The following LDLRAD4 variants were observed in gnomAD, a reference collection of about 807,000 sequenced individuals.
LDLRAD4 encodes the protein low density lipoprotein receptor class A domain containing 4, also known as low-density lipoprotein receptor class A domain-containing protein 4.
Under a neutral mutation model 17.0 loss-of-function variants are expected in LDLRAD4, and 5 were observed. The observed-to-expected ratio is 0.29, with a 90% CI of 0.15 to 0.62. LDLRAD4 has a LOEUF of 0.62. LDLRAD4 is among the 20% of genes least tolerant of loss of function. LDLRAD4 has a pLI of 0.84. For missense variants in LDLRAD4, 340 were observed against 424.7 expected (o/e 0.80, Z 1.75); for synonymous variants, 168 against 171.8 (o/e 0.98, Z 0.17).
At chr18:13,573,105 A>AT (rs1376412180) in intron 3 of LDLRAD4, among the ~76,000 whole-genome samples, 8 of 151,576 alleles carry the variant, frequency 5.3e-5, no homozygotes, top group Non-Finnish European at 1.0e-4. Context: ...TTTTATTTTT[A>AT]TTTTATTTTA....
At chr18:13,320,135 T>A (rs1189226700) in intron 1 of LDLRAD4, among the ~76,000 whole-genome samples, 1 of 152,274 alleles carries the variant, frequency 6.6e-6, no homozygotes, top group Non-Finnish European at 1.5e-5. Context: ...ATTGCATATC[T>A]GATCATAAGA....
chr18:13,609,337 A>G (rs2039262515), intron 3 of LDLRAD4, among the ~76,000 whole-genome samples: 1 of 152,194 alleles, frequency 6.6e-6, no homozygotes. Context: ...TCCTTTCTGA[A>G]GCACCATCTT....
In LDLRAD4 at chr18:13,243,065, T is replaced by C. The variant is rs535889642; in HGVS notation, c.-467+24077T>C. ...GCAGCAGCTGAGTGTCTTGGGGCTG[T>C]TTTGTATGCTGGAAGCACTTAAAGG... On this transcript the variant is annotated intron_variant, in intron 1 of 5. Transcript: ENST00000399848. Among the ~76,000 whole-genome samples the C allele has an allele frequency of 3.3e-5, 5 of 152,390 alleles. No homozygotes were observed. The South Asian group carries it at 1.0e-3, about 32-fold the overall frequency.
At chr18:13,296,404 G>T (rs1336026712) in intron 1 of LDLRAD4, among the ~76,000 whole-genome samples, 5 of 152,132 alleles carry the variant, frequency 3.3e-5, no homozygotes, top group African/African-American at 2.4e-5. Flanking sequence ...CAAGATCAAG[G>T]TGCTGTCAGG....
intron 3 of LDLRAD4, among the ~76,000 whole-genome samples, chr18:13,572,297 A>G (rs1233070078): frequency 6.6e-6 from 1 of 152,192 alleles, no homozygotes; most frequent in African/African-American, 2.4e-5. Flanking sequence ...CCTGCTGCTG[A>G]GCCACCCCTG....
chr18:13,227,472 T>C (rs2041868361), intron 1 of LDLRAD4, among the ~76,000 whole-genome samples: 1 of 152,138 alleles, frequency 6.6e-6, no homozygotes, highest in Non-Finnish European at 1.5e-5. Context: ...GCTCACCTGC[T>C]CTTTGGTGTA....
chr18:13,639,565 T>C (rs1379762925), intron 4 of LDLRAD4, among the ~76,000 whole-genome samples: 2 of 152,082 alleles, frequency 1.3e-5, no homozygotes, highest in African/African-American at 2.4e-5. Flanking sequence ...TACGGGGTGG[T>C]TGGGATTCAG....
Position 13,645,123 on chromosome 18 carries a change from C to A in LDLRAD4, c.391-4C>A. The A allele has an allele frequency of 6.2e-7, 1 of 1,600,156 alleles. No individual in the cohort carries two copies. Reference sequence around the variant, plus strand: ...TCTTCAAGCCTCTCCTCTTTTCCTTCCAGATCATGCATGCCCCGCGGTCCA... The same window carrying A: ...TCTTCAAGCCTCTCCTCTTTTCCTTACAGATCATGCATGCCCCGCGGTCCA... On this transcript the variant is annotated splice_polypyrimidine_tract_variant and splice_region_variant and intron_variant, in intron 5 of 5. Coordinates refer to ENST00000359446, the Ensembl canonical transcript of LDLRAD4. The surrounding 1 kb of genome is among the most constrained non-coding windows in gnomAD (Gnocchi z 5.7).
intron 1 of LDLRAD4, among the ~76,000 whole-genome samples, chr18:13,267,638 C>T (rs981397645): frequency 1.3e-5 from 2 of 152,226 alleles, no homozygotes; most frequent in Non-Finnish European, 2.9e-5. Flanking sequence ...CTTCAGACGT[C>T]GTGTGTAACC....
At chr18:13,396,222 G>T (rs1446098607) in intron 2 of LDLRAD4, among the ~76,000 whole-genome samples, 3 of 152,182 alleles carry the variant, frequency 2.0e-5, no homozygotes, top group African/African-American at 7.2e-5. Context: ...ACATCTCCTG[G>T]TTCAAGATTT....
chr18:13,402,190 C>G (rs75664897), intron 2 of LDLRAD4, among the ~76,000 whole-genome samples: 3,609 of 152,286 alleles, frequency 0.024, 125 homozygotes, highest in African/African-American at 0.072. Flanking sequence ...GCTGTGGGCC[C>G]CGTTCCTTTT....
chr18:13,304,665 A>G (rs538329048), intron 1 of LDLRAD4, among the ~76,000 whole-genome samples: 2 of 152,264 alleles, frequency 1.3e-5, no homozygotes, highest in African/African-American at 4.8e-5. Flanking sequence ...AGCCCTTTTG[A>G]GTTTAACCTG....
chr18:13,565,166 C>T (rs1019028144), intron 3 of LDLRAD4: 4 of 152,226 alleles, frequency 2.6e-5, no homozygotes, highest in Non-Finnish European at 5.9e-5. Flanking sequence ...CCCCATAAAA[C>T]ATCAAGTATC....
At chr18:13,421,747 A>G (rs1244489303) in intron 2 of LDLRAD4, among the ~76,000 whole-genome samples, 2 of 152,228 alleles carry the variant, frequency 1.3e-5, no homozygotes, top group Non-Finnish European at 2.9e-5. Context: ...TAGAATTAAA[A>G]GATACCGTGG....
chr18:13,558,713 T>C (rs377493650), intron 3 of LDLRAD4, among the ~76,000 whole-genome samples: 1 of 151,950 alleles, frequency 6.6e-6, no homozygotes. Flanking sequence ...GCAAAATAAT[T>C]TTGCTATTAG....
chr18:13,237,165 C>G (rs1466238777), intron 1 of LDLRAD4, among the ~76,000 whole-genome samples: 1 of 152,202 alleles, frequency 6.6e-6, no homozygotes, highest in Non-Finnish European at 1.5e-5. Flanking sequence ...TTGGCCAGTC[C>G]GAGTCCTGCT....
intron 4 of LDLRAD4, among the ~76,000 whole-genome samples, chr18:13,636,650 C>T (rs1262751154): frequency 1.3e-5 from 2 of 151,034 alleles, no homozygotes; most frequent in African/African-American, 2.4e-5. Context: ...CGTGCACCAC[C>T]GTGCCCAGCT....
chr18:13,630,117 T>G (rs1490034287), intron 4 of LDLRAD4, among the ~76,000 whole-genome samples: 1 of 152,210 alleles, frequency 6.6e-6, no homozygotes, highest in Non-Finnish European at 1.5e-5. Flanking sequence ...CTCATATTGC[T>G]TTTCCCCGCT....
chr18:13,315,032 A>G (rs186029888), intron 1 of LDLRAD4, among the ~76,000 whole-genome samples: 2 of 152,298 alleles, frequency 1.3e-5, no homozygotes, highest in East Asian at 1.9e-4. Flanking sequence ...ATTCTTAAAG[A>G]CTAGGGGAAC....
Sources: gnomAD v4.1 joint callset for allele counts (sites outside exome capture counted in the v4.1 genomes callset) on GRCh38, gnomAD v4.1.1 for gene constraint, Gnocchi (gnomAD v3.1) non-coding constraint, MANE v1.5 for transcripts, NCBI Gene and HGNC (gene_info 2026-07-23, HGNC 2026-07-21) for gene names.